Variants in CPEB3 observed in about 807,000 individuals in gnomAD.
CPEB3 encodes the protein cytoplasmic polyadenylation element-binding protein 3.
CPEB3 carries 20 observed loss-of-function variants against 67.2 expected under a neutral mutation model. The observed-to-expected ratio is 0.30, with a 90% CI of 0.21 to 0.43. CPEB3 has a LOEUF of 0.43. CPEB3 is among the 20% of genes least tolerant of loss of function. The pLI, the probability that CPEB3 is intolerant of heterozygous loss-of-function variation, is 1.00. For missense variants in CPEB3, 746 were observed against 968.6 expected, an observed-to-expected ratio of 0.77 and a Z score of 3.05; for synonymous variants, 376 against 393.1, an observed-to-expected ratio of 0.96 and a Z score of 0.51.
intron 7 of CPEB3, among the ~76,000 whole-genome samples, chr10:92,100,448 G>A (rs1281674213): frequency 6.6e-6 from 1 of 151,654 alleles, no homozygotes; most frequent in Non-Finnish European, 1.5e-5. Flanking sequence ...TAATTTTTTT[G>A]TATTTTTAGT....
At chr10:92,119,446 TG>T (rs1293899802) in intron 6 of CPEB3, among the ~76,000 whole-genome samples, 7 of 152,198 alleles carry the variant, frequency 4.6e-5, no homozygotes, top group Non-Finnish European at 1.0e-4. Flanking sequence ...CTTTCCATAT[TG>T]GGCTTTGATT....
At chr10:92,064,054 G>A (rs1349279331) in intron 9 of CPEB3, among the ~76,000 whole-genome samples, 2 of 152,160 alleles carry the variant, frequency 1.3e-5, no homozygotes, top group East Asian at 1.9e-4. Flanking sequence ...ATGTAGTTAA[G>A]CAGCACATCA....
intron 1 of CPEB3, among the ~76,000 whole-genome samples, chr10:92,253,384 C>T (rs1282690141): frequency 7.0e-6 from 1 of 142,866 alleles, no homozygotes; most frequent in Non-Finnish European, 1.5e-5. Flanking sequence ...CACTTGAACC[C>T]GAGAGGTGGA....
intron 2 of CPEB3, among the ~76,000 whole-genome samples, chr10:92,200,453 G>C (rs1055892995): frequency 2.0e-5 from 3 of 149,592 alleles, no homozygotes; most frequent in Non-Finnish European, 4.4e-5. Flanking sequence ...GCTGAGGCAG[G>C]AGAATTGCTT....
chr10:92,091,231 A>G (rs1384461009), intron 8 of CPEB3, among the ~76,000 whole-genome samples: 1 of 148,674 alleles, frequency 6.7e-6, no homozygotes, highest in Non-Finnish European at 1.5e-5. Context: ...CTTTAAAAAA[A>G]TAAACTTAAT....
intron 8 of CPEB3, 97 bp from the exon 9 acceptor site, chr10:92,081,598 T>A: frequency 9.1e-7 from 1 of 1,094,588 alleles, no homozygotes; most frequent in Non-Finnish European, 1.3e-6. Context: ...GCAATGTAAT[T>A]AAGAAAAGGA....
chr10:92,077,078 AG>A (rs1284593779), intron 9 of CPEB3, among the ~76,000 whole-genome samples: 2 of 152,192 alleles, frequency 1.3e-5, no homozygotes, highest in African/African-American at 2.4e-5. Context: ...TCAGGAAACA[AG>A]GTTTGCCTAG....
intron 3 of CPEB3, among the ~76,000 whole-genome samples, chr10:92,186,184 C>T (rs1487410224): frequency 8.6e-6 from 1 of 115,692 alleles, no homozygotes; most frequent in African/African-American, 3.4e-5. Flanking sequence ...CCAGCCTGAG[C>T]AACATGGCGA....
At chr10:92,181,614 T>G (rs1848466698) in intron 3 of CPEB3, among the ~76,000 whole-genome samples, 1 of 152,192 alleles carries the variant, frequency 6.6e-6, no homozygotes, top group South Asian at 2.1e-4. Context: ...AATGCTAATC[T>G]CCACATGTTC....
At chr10:92,094,949 T>C (rs759760229) in intron 7 of CPEB3, among the ~76,000 whole-genome samples, 59 of 152,298 alleles carry the variant, frequency 3.9e-4, no homozygotes, top group Non-Finnish European at 7.5e-4. Flanking sequence ...TTTATGTTAA[T>C]TGCGTTTGAT....
chr10:92,250,695 G>T (rs1052970626), intron 1 of CPEB3, among the ~76,000 whole-genome samples: 7 of 150,808 alleles, frequency 4.6e-5, no homozygotes, highest in African/African-American at 1.7e-4. Context: ...ACCATTTTTT[G>T]TTTGTTTGTT....
At chr10:92,169,393 C>T (rs1341907000) in intron 4 of CPEB3, among the ~76,000 whole-genome samples, 1 of 152,192 alleles carries the variant, frequency 6.6e-6, no homozygotes, top group Non-Finnish European at 1.5e-5. Flanking sequence ...CCCGCCTTGG[C>T]CTCCCAAAGT....
chr10:92,287,395 T>C (rs947461506), intron 1 of CPEB3, among the ~76,000 whole-genome samples: 18 of 152,214 alleles, frequency 1.2e-4, no homozygotes, highest in African/African-American at 3.9e-4. Flanking sequence ...AGAGAATATA[T>C]TGTAATTCCA....
intron 3 of CPEB3, among the ~76,000 whole-genome samples, chr10:92,191,618 G>A (rs11186848): frequency 0.32 from 47,968 of 151,804 alleles, 7,913 homozygotes; most frequent in Admixed American, 0.43. Context: ...AGAGAGAACC[G>A]GAGGGGATTG....
chr10:92,146,435 T>C (rs1371129224), intron 4 of CPEB3, among the ~76,000 whole-genome samples: 1 of 151,274 alleles, frequency 6.6e-6, no homozygotes, highest in African/African-American at 2.4e-5. Flanking sequence ...AATAAATTAA[T>C]ATACTCTTAA....
At chr10:92,210,926 C>T (rs1850049741) in intron 2 of CPEB3, among the ~76,000 whole-genome samples, 2 of 152,166 alleles carry the variant, frequency 1.3e-5, no homozygotes, top group African/African-American at 4.8e-5. Context: ...AATCCCACTA[C>T]TCAGGAGGCT....
intron 1 of CPEB3, among the ~76,000 whole-genome samples, chr10:92,270,807 T>G (rs1218536365): frequency 6.6e-6 from 1 of 151,910 alleles, no homozygotes; most frequent in Non-Finnish European, 1.5e-5. Flanking sequence ...TGAGCTCAAG[T>G]GATTCGCCCA....
intron 4 of CPEB3, among the ~76,000 whole-genome samples, chr10:92,175,794 A>T (rs1288653642): frequency 6.6e-6 from 1 of 152,084 alleles, no homozygotes; most frequent in African/African-American, 2.4e-5. Flanking sequence ...TCAGGAAAGC[A>T]CCTATCTAAA....
intron 2 of CPEB3, among the ~76,000 whole-genome samples, chr10:92,198,136 T>G (rs1004791014): frequency 6.6e-6 from 1 of 152,124 alleles, no homozygotes; most frequent in African/African-American, 2.4e-5. Context: ...AAAAATTAAG[T>G]CTTGGAGAGA....
Sources: gnomAD v4.1 joint callset for allele counts (sites outside exome capture counted in the v4.1 genomes callset) on GRCh38, gnomAD v4.1.1 for gene constraint, MANE v1.5 for transcripts, NCBI Gene and HGNC (gene_info 2026-07-23, HGNC 2026-07-21) for gene names.